ADAM22: variants seen among roughly 807,000 people sequenced by gnomAD.
The protein encoded by ADAM22 is disintegrin and metalloproteinase domain-containing protein 22.
Under a neutral mutation model 144.6 loss-of-function variants are expected in ADAM22, and 65 were observed. The observed-to-expected ratio is 0.45, with a 90% CI of 0.37 to 0.55. ADAM22 has a LOEUF of 0.55. Among genes scored for constraint, ADAM22 ranks in the 20% least tolerant of loss-of-function variants. ADAM22 has a pLI of 0.00. For synonymous variants in ADAM22, 391 were observed against 412.6 expected (o/e 0.95, Z 0.63); for missense variants, 974 against 1,184.9 (o/e 0.82, Z 2.61).
At chr7:88,024,269 T>C (rs1798480838) in intron 3 of ADAM22, among the ~76,000 whole-genome samples, 2 of 152,176 alleles carry the variant, frequency 1.3e-5, no homozygotes, top group African/African-American at 2.4e-5. Context: ...CTCCAAACTG[T>C]TCTCCATAGT....
chr7:88,119,517 C>G lies in ADAM22; in HGVS notation c.607+2703C>G, dbSNP rs186071999. Among the ~76,000 whole-genome samples the G allele has an allele frequency of 2.2e-4, 33 of 152,274 alleles. No individual in the cohort carries two copies. The East Asian group carries it at 6.2e-3, about 28-fold the overall frequency. ...TTTTTTCAGGGGTGGGGGATGGGGT[C>G]TTGCTGTGTTGCCCAGGCTGGAGTG... is the stretch of plus-strand genomic sequence containing the variant. On this transcript the variant is annotated intron_variant, in intron 7 of 31. Coordinates refer to ENST00000413139, the MANE Select transcript of ADAM22 (RefSeq NM_001324418.2).
At position 88,202,152 on chromosome 7, in the gene ADAM22, C is replaced by T. The variant is rs1851246261; in HGVS notation, c.*5661C>T. 2.0e-5 allele frequency: 3 copies of T among 148,672 alleles called. No individual in the cohort carries two copies. Among genetic ancestry groups the T allele is most frequent in the Admixed American group, 1.3e-4 (2 of 14,898 alleles). The allele number at this position is 148,672 out of a possible 1,614,324, so 9.2% of individuals were successfully genotyped here. A position where few individuals can be genotyped will look rare whatever the true frequency, so the allele number is the denominator to read the frequency against. ...TTTTCTAATCCAGCACAAAATCAAA[C>T]TCTGATTCTACAACCAGTCTTTTTA... On this transcript the variant is annotated 3_prime_UTR_variant, in exon 32 of 32. Transcript: ENST00000413139.
rs77159678 is a variant in ADAM22, at chr7:88,127,780, T to C, written c.679-822T>C. ...GCAAAACGTTTTCTGGAAAAGTTTA[T>C]ATTGAACTATGGCATAAAGGAAAAA... On this transcript the variant is annotated intron_variant, in intron 8 of 31. Transcript: ENST00000413139. Among the ~76,000 whole-genome samples the C allele has an allele frequency of 5.1e-4, 77 of 152,140 alleles. 1 individual carries two copies. The highest frequency in any genetic ancestry group is 1.8e-3 in the African/African-American group (73 of 41,552).
intron 23 of ADAM22, among the ~76,000 whole-genome samples, chr7:88,164,698 G>A (rs1371429432): frequency 6.6e-6 from 1 of 152,048 alleles, no homozygotes; most frequent in African/African-American, 2.4e-5. Context: ...GTGCGAAGAA[G>A]GAGTTAACTT....
intron 4 of ADAM22, among the ~76,000 whole-genome samples, chr7:88,085,420 A>G (rs1818180463): frequency 6.6e-6 from 1 of 152,144 alleles, no homozygotes; most frequent in Non-Finnish European, 1.5e-5. Flanking sequence ...TTCAGGAAAA[A>G]ACATTTTTAA....
In ADAM22 at chr7:88,193,250, A is replaced by T. The variant is rs777373434; in HGVS notation, c.2874+11A>T. Reference sequence around the variant, plus strand: ...CGACAAAGTGCCAGGGTATGTGGAAACCTCTTCCATGTGCGTACATGCTCA... The same window carrying T: ...CGACAAAGTGCCAGGGTATGTGGAATCCTCTTCCATGTGCGTACATGCTCA... On this transcript the variant is annotated intron_variant, in intron 31 of 31. Transcript: ENST00000413139. 1 of 1,613,120 alleles carries T rather than the reference A, an allele frequency of 6.2e-7. No individual in the cohort carries two copies. The highest frequency in any genetic ancestry group is 8.5e-7 in the Non-Finnish European group (1 of 1,179,552).
intron 3 of ADAM22, among the ~76,000 whole-genome samples, chr7:88,012,233 A>G (rs1386775373): frequency 1.3e-5 from 2 of 152,096 alleles, no homozygotes; most frequent in Admixed American, 1.3e-4. Flanking sequence ...CTCTGCTTAC[A>G]TTATTCATCA....
At chr7:87,984,441 T>C (rs1854455475) in intron 3 of ADAM22, among the ~76,000 whole-genome samples, 1 of 152,168 alleles carries the variant, frequency 6.6e-6, no homozygotes, top group Non-Finnish European at 1.5e-5. Flanking sequence ...AAGAGAGAAA[T>C]CTTTGATAAA....
At chr7:88,194,205 G>T (rs1490073116) in intron 31 of ADAM22, among the ~76,000 whole-genome samples, 1 of 152,130 alleles carries the variant, frequency 6.6e-6, no homozygotes, top group Non-Finnish European at 1.5e-5. Context: ...CTGCTAAATT[G>T]TCTGCATCCC....
At position 88,158,097 on chromosome 7, in the gene ADAM22, G is replaced by A. The variant is rs891454702; in HGVS notation, c.1907+2091G>A. 9.2e-5 allele frequency among the ~76,000 whole-genome samples: 14 copies of A among 152,190 alleles called. No homozygotes were observed. The East Asian group carries it at 1.2e-3, about 13-fold the overall frequency. On this transcript the variant is annotated intron_variant, in intron 22 of 31. Coordinates refer to ENST00000413139, the MANE Select transcript of ADAM22 (RefSeq NM_001324418.2). Reference sequence around the variant, plus strand: ...TGGAAATCAGAAAAAAAGCAGGGTTGCAATCCTAATTTCAGACAAAACAGA... The same window carrying A: ...TGGAAATCAGAAAAAAAGCAGGGTTACAATCCTAATTTCAGACAAAACAGA...
intron 4 of ADAM22, among the ~76,000 whole-genome samples, chr7:88,091,843 A>C (rs1338885691): frequency 6.6e-6 from 1 of 152,150 alleles, no homozygotes; most frequent in Non-Finnish European, 1.5e-5. Context: ...CTCTTTTAGT[A>C]GTTGTTTTAA....
At chr7:88,079,922 A>G (rs553419386) in intron 4 of ADAM22, among the ~76,000 whole-genome samples, 25 of 152,308 alleles carry the variant, frequency 1.6e-4, no homozygotes, top group Middle Eastern at 6.8e-3. Flanking sequence ...CCCACTGTCA[A>G]CATCAGACCG....
intron 3 of ADAM22, among the ~76,000 whole-genome samples, chr7:88,035,327 T>C (rs1801266066): frequency 6.6e-6 from 1 of 152,228 alleles, no homozygotes; most frequent in Non-Finnish European, 1.5e-5. Context: ...GGGCCCTAGA[T>C]CCAGTTGTGT....
At chr7:87,969,059 T>A (rs76224807) in intron 2 of ADAM22, among the ~76,000 whole-genome samples, 2 of 152,182 alleles carry the variant, frequency 1.3e-5, no homozygotes, top group Admixed American at 1.3e-4. Context: ...GTAGTCACTG[T>A]GCACCAGGCC....
chr7:88,104,312 T>G (rs761816870), intron 4 of ADAM22, among the ~76,000 whole-genome samples: 1 of 152,168 alleles, frequency 6.6e-6, no homozygotes, highest in Non-Finnish European at 1.5e-5. Context: ...TATATGTGTA[T>G]GTGTGTATGT....
intron 21 of ADAM22, 90 bp from the exon 22 acceptor site, chr7:88,155,797 C>A: frequency 6.8e-7 from 1 of 1,470,656 alleles, no homozygotes; most frequent in Non-Finnish European, 9.1e-7. Context: ...TTGATGAAAA[C>A]CAAATGCTAA....
chr7:87,957,775 G>A (rs968563297), intron 2 of ADAM22, among the ~76,000 whole-genome samples: 1 of 152,022 alleles, frequency 6.6e-6, no homozygotes, highest in South Asian at 2.1e-4. Flanking sequence ...GTAGAAACGG[G>A]GTTTCACCAT....
At chr7:87,986,185 T>C (rs1788440037) in intron 3 of ADAM22, among the ~76,000 whole-genome samples, 1 of 152,230 alleles carries the variant, frequency 6.6e-6, no homozygotes, top group Non-Finnish European at 1.5e-5. Flanking sequence ...CTTACATTTC[T>C]TGTTCTTTAG....
intron 4 of ADAM22, among the ~76,000 whole-genome samples, chr7:88,094,726 G>T (rs1042351762): frequency 6.6e-6 from 1 of 152,124 alleles, no homozygotes; most frequent in Non-Finnish European, 1.5e-5. Flanking sequence ...TAGATTTTTG[G>T]ACAGAGTAAA....
Sources: gnomAD v4.1 joint callset for allele counts (sites outside exome capture counted in the v4.1 genomes callset) on GRCh38, gnomAD v4.1.1 for gene constraint, MANE v1.5 for transcripts, NCBI Gene and HGNC (gene_info 2026-07-23, HGNC 2026-07-21) for gene names.